Variants in MYH15 observed in about 807,000 individuals in gnomAD.
The protein encoded by MYH15 is myosin heavy chain 15.
A neutral mutation model predicts 240.5 loss-of-function variants in MYH15; 227 were observed. The ratio of observed to expected loss-of-function variants is 0.94; its 90% CI spans 0.85 to 1.05. The LOEUF is 1.05. Ranked by LOEUF, MYH15 falls within the 50% of genes least tolerant of loss-of-function variation. The pLI, the probability that MYH15 is intolerant of heterozygous loss-of-function variation, is 0.00. For synonymous variants in MYH15, 785 were observed against 796.7 expected (o/e 0.99, Z 0.25); for missense variants, 2,217 against 2,247.5 (o/e 0.99, Z 0.27).
chr3:108,441,071 G>A lies in MYH15; in HGVS notation c.2845C>T (p.Leu949=), dbSNP rs771894507. Residue 949 remains leucine (L), a synonymous_variant, in exon 23 of 41, where the codon CTG becomes TTG. Transcript: ENST00000693548. ...CFELKKEIDD[L]ETMLVKSEKE... ...TCTGACTTCACCAACATTGTTTCCA[G>A]GTCATCGATTTCTTTCTTCAACTCA... 5.0e-6 allele frequency: 8 copies of A among 1,614,132 alleles called. No individual in the cohort carries two copies. The highest frequency in any genetic ancestry group is 6.8e-6 in the Non-Finnish European group (8 of 1,180,002).
intron 36 of MYH15, 123 bp downstream of exon 36, chr3:108,393,907 AC>A: frequency 7.0e-7 from 1 of 1,421,554 alleles, no homozygotes; most frequent in East Asian, 2.3e-5. Flanking sequence ...GGTCAGACTA[AC>A]CTCCCCCTGG....
upstream of MYH15, among the ~76,000 whole-genome samples, chr3:108,513,982 G>A (rs9809286): frequency 0.019 from 2,913 of 152,222 alleles, 102 homozygotes; most frequent in African/African-American, 0.067. Context: ...TATTGATACG[G>A]CACAATTTCC....
At chr3:108,396,171 A>ATC (rs1560314184) in intron 35 of MYH15, among the ~76,000 whole-genome samples, 1 of 152,062 alleles carries the variant, frequency 6.6e-6, no homozygotes, top group East Asian at 1.9e-4. Context: ...GCTGATCCTC[A>ATC]TCTCTCTCTA....
At chr3:108,528,226 AAAAAGC>A in intron 1 of MYH15, among the ~76,000 whole-genome samples, 1 of 152,318 alleles carries the variant, frequency 6.6e-6, no homozygotes. Context: ...AAAATATTCA[AAAAAGC>A]ACCCAGAACA....
At chr3:108,384,655 T>C in intron 39 of MYH15, 32 bp downstream of exon 39, 1 of 1,580,102 alleles carries the variant, frequency 6.3e-7, no homozygotes, top group East Asian at 2.2e-5. Context: ...CACTGGGAAA[T>C]CCATGAGGCT....
chr3:108,527,567 A>G (rs1008393870), intron 1 of MYH15, among the ~76,000 whole-genome samples: 1 of 152,194 alleles, frequency 6.6e-6, no homozygotes, highest in Non-Finnish European at 1.5e-5. Context: ...ACCCCTAAGA[A>G]GTTATTTGCA....
chr3:108,451,447 A>C (rs1370078864), intron 21 of MYH15, among the ~76,000 whole-genome samples: 2 of 152,108 alleles, frequency 1.3e-5, no homozygotes, highest in East Asian at 3.8e-4. Flanking sequence ...AGAAATGTAA[A>C]ATTTTTTTAA....
chr3:108,478,185 G>GT (rs1039082566), intron 11 of MYH15, among the ~76,000 whole-genome samples: 1 of 152,136 alleles, frequency 6.6e-6, no homozygotes, highest in Non-Finnish European at 1.5e-5. Context: ...TATCTCGTCT[G>GT]TATTAGCAAT....
chr3:108,456,847 C>T lies in MYH15; in HGVS notation c.2057G>A (p.Arg686His), dbSNP rs776650354. ...LDPYLVLQQLRCNGVLEGTRI... is the reference protein window; with the variant it reads ...LDPYLVLQQLHCNGVLEGTRI... ...AGTCCCTTCCAAGACACCATTACAG[C>T]GCAACTGCTGTAGAACCAAGTAAGG... Residue 686 changes from arginine to histidine, a missense_variant, in exon 19 of 41, where the codon CGC (arginine) becomes CAC (histidine). Transcript: ENST00000693548. 7.4e-6 allele frequency: 12 copies of T among 1,613,034 alleles called. No homozygotes were observed. The highest frequency in any genetic ancestry group is 4.5e-5 in the East Asian group (2 of 44,836).
chr3:108,507,993 GTC>G (rs932151736), intron 1 of MYH15, among the ~76,000 whole-genome samples: 1 of 152,130 alleles, frequency 6.6e-6, no homozygotes, highest in Non-Finnish European at 1.5e-5. Context: ...CTCTCCCTCT[GTC>G]TCTCTTTCTC....
intron 26 of MYH15, among the ~76,000 whole-genome samples, chr3:108,429,422 A>G (rs2082757494): frequency 6.6e-6 from 1 of 152,212 alleles, no homozygotes; most frequent in Non-Finnish European, 1.5e-5. Context: ...AGGAGATTTC[A>G]AGGAAGAGAT....
chr3:108,485,044 G>T (rs773158531), intron 11 of MYH15, 47 bp downstream of exon 11: 2 of 1,595,110 alleles, frequency 1.3e-6, no homozygotes, highest in South Asian at 1.1e-5. Flanking sequence ...AGCAGGCTTG[G>T]GCCCAGAGAT....
chr3:108,438,999 T>C (rs987831688), intron 24 of MYH15, among the ~76,000 whole-genome samples: 3 of 149,202 alleles, frequency 2.0e-5, no homozygotes, highest in African/African-American at 7.4e-5. Flanking sequence ...ACACAACGAA[T>C]AGATAATAGA....
chr3:108,438,918 T>C (rs1391344091), intron 24 of MYH15, among the ~76,000 whole-genome samples: 1 of 152,086 alleles, frequency 6.6e-6, no homozygotes, highest in Non-Finnish European at 1.5e-5. Flanking sequence ...TAAGCACACA[T>C]ATAAACACCC....
rs1428064960 is a variant in MYH15, at chr3:108,439,833, C to T, written c.2979G>A (p.Glu993=). The part of the protein sequence containing the change: ...KLNRAAKVVQ[E]AHQQTLDDLH... ...GGTCATCCAGGGTCTGCTGATGGGC[C>T]TCCTGCACAACCTTGGCTGCTCTGT... The change falls in exon 24 of 41, where the codon GAG becomes GAA. Residue 993 remains glutamate (E), a synonymous_variant. Transcript: ENST00000693548. 1 of 1,613,624 alleles carries T rather than the reference C, an allele frequency of 6.2e-7. No homozygotes were observed. The highest frequency in any genetic ancestry group is 1.1e-5 in the South Asian group (1 of 90,976).
chr3:108,530,364 T>C (rs114998277), upstream of MYH15, among the ~76,000 whole-genome samples: 238 of 152,310 alleles, frequency 1.6e-3, 1 homozygote, highest in African/African-American at 5.4e-3. Context: ...TGTTTGACAA[T>C]TGTATGACAT....
chr3:108,445,793 G>T (rs1419777243), intron 21 of MYH15, among the ~76,000 whole-genome samples: 1 of 151,992 alleles, frequency 6.6e-6, no homozygotes, highest in Non-Finnish European at 1.5e-5. Context: ...AGGTATAAAG[G>T]AAAGAACTTT....
At chr3:108,398,898 G>C in intron 34 of MYH15, 58 bp from the exon 35 acceptor site, 1 of 1,527,354 alleles carries the variant, frequency 6.5e-7, no homozygotes, top group Non-Finnish European at 9.1e-7. Context: ...CATAGACTAT[G>C]CACCTACACA....
intron 33 of MYH15, among the ~76,000 whole-genome samples, chr3:108,400,654 C>G (rs933043501): frequency 2.6e-5 from 4 of 152,008 alleles, no homozygotes; most frequent in Admixed American, 6.5e-5. Flanking sequence ...ACTAAAAATA[C>G]AAATATTAGC....
Sources: allele counts gnomAD v4.1 joint callset (sites outside exome capture counted in the v4.1 genomes callset), GRCh38; gene constraint gnomAD v4.1.1; transcripts MANE v1.5; gene names NCBI Gene and HGNC (gene_info 2026-07-23, HGNC 2026-07-21).